VEZF1: variants seen among roughly 807,000 people sequenced by gnomAD.
VEZF1 encodes vascular endothelial zinc finger 1, also known as putative transcription factor DB1.
A neutral mutation model predicts 44.1 loss-of-function variants in VEZF1; 5 were observed. The ratio of observed to expected loss-of-function variants is 0.11; its 90% confidence interval spans 0.06 to 0.24. The LOEUF (loss-of-function observed/expected upper bound fraction) is 0.24, where lower values mean the gene tolerates loss of function less well. VEZF1 is among the 10% of genes least tolerant of loss of function. The probability of loss-of-function intolerance (pLI) is 1.00; values close to 1 mark genes in which losing one functional copy is unlikely to be tolerated. For missense variants in VEZF1, 358 were observed against 641.8 expected (o/e 0.56, Z 4.78); for synonymous variants, 236 against 233.1 (o/e 1.01, Z -0.11).
At chr17:57,987,551 A>T (rs985877368) in intron 1 of VEZF1, among the ~76,000 whole-genome samples, 5 of 152,194 alleles carry the variant, frequency 3.3e-5, no homozygotes, top group South Asian at 4.1e-4. Context: ...AGGGGGTCAG[A>T]AAGTCAACAC....
intron 5 of VEZF1, among the ~76,000 whole-genome samples, chr17:57,977,563 G>A (rs1438215165): frequency 6.6e-6 from 1 of 152,100 alleles, no homozygotes; most frequent in East Asian, 1.9e-4. Flanking sequence ...AAAGAATGTC[G>A]CCAGGGCCCA....
Position 57,979,209 on chromosome 17 carries a change from C to T in VEZF1, c.1081G>A (p.Gly361Arg). 1 of 1,613,908 alleles carries T rather than the reference C, an allele frequency of 6.2e-7. No homozygotes were observed. The highest frequency in any genetic ancestry group is 1.1e-5 in the South Asian group (1 of 91,066). ...QQQQHVTSWPGKQVETLRLWE... is the reference protein window; with the variant it reads ...QQQQHVTSWPRKQVETLRLWE... ...AGTCTCAGTGTTTCTACTTGCTTCCCTGGCCAGCTTGTCACATGTTGTTGT... is the reference window on the plus strand; with the variant it reads ...AGTCTCAGTGTTTCTACTTGCTTCCTTGGCCAGCTTGTCACATGTTGTTGT... Residue 361 changes from glycine to arginine, a missense_variant, in exon 5 of 6, where the codon GGG becomes AGG. Physicochemically the swap from Gly to Arg is moderately radical, Grantham distance 125. Transcript: ENST00000581208.
intron 1 of VEZF1, among the ~76,000 whole-genome samples, chr17:57,986,819 T>C (rs1598051389): frequency 6.6e-6 from 1 of 152,166 alleles, no homozygotes; most frequent in South Asian, 2.1e-4. Context: ...TTTCAAAAGG[T>C]ATCAAGCGCC....
chr17:57,974,029 C>G lies in VEZF1; in HGVS notation c.*444G>C, dbSNP rs2075163946. 1 of 170,322 alleles carries G rather than the reference C, an allele frequency of 5.9e-6. No homozygotes were observed. The highest frequency in any genetic ancestry group is 5.5e-5 in the Admixed American group (1 of 18,258). The allele number at this position is 170,322 out of a possible 1,614,324, so 10.6% of individuals were successfully genotyped here. Reference sequence around the variant, plus strand: ...ATAAAAACAATAAACACAGACAATTCTACACTAGCTCTCAATCTGTGGATT... The same window carrying G: ...ATAAAAACAATAAACACAGACAATTGTACACTAGCTCTCAATCTGTGGATT... On this transcript the variant is annotated 3_prime_UTR_variant, in exon 6 of 6. Coordinates refer to ENST00000581208, the MANE Select transcript of VEZF1 (RefSeq NM_007146.3).
intron 4 of VEZF1, among the ~76,000 whole-genome samples, chr17:57,979,569 C>G (rs1235445166): frequency 7.0e-6 from 1 of 143,282 alleles, no homozygotes; most frequent in Admixed American, 6.9e-5. Context: ...AAAAAAAAAG[C>G]AAGTGTCTTT....
At position 57,979,308 on chromosome 17, in the gene VEZF1, T is replaced by C; in HGVS notation, c.982A>G (p.Met328Val). The change falls in exon 5 of 6, where the codon ATG becomes GTG. Residue 328 changes from methionine to valine, a missense_variant. This residue lies in a region of VEZF1 where 171 missense variants were observed against 272.4 expected (regional missense o/e 0.63). Coordinates refer to ENST00000581208, the MANE Select transcript of VEZF1 (RefSeq NM_007146.3). ...TTTTGGTTACTGGTCTCTTCACTCATGCATGCTATTACAAAGACAAACCAA... is the reference window on the plus strand; with the variant it reads ...TTTTGGTTACTGGTCTCTTCACTCACGCATGCTATTACAAAGACAAACCAA... ...TCKQGISKTCMSEETSNQKQQ... is the reference protein window; with the variant it reads ...TCKQGISKTCVSEETSNQKQQ... 6.2e-7 allele frequency: 1 copy of C among 1,613,920 alleles called. No individual in the cohort carries two copies. Among genetic ancestry groups the C allele is most frequent in the Non-Finnish European group, 8.5e-7 (1 of 1,179,986 alleles).
intron 4 of VEZF1, 72 bp downstream of exon 4, chr17:57,980,531 G>GATA (rs2075239377): frequency 6.9e-7 from 1 of 1,439,530 alleles, no homozygotes; most frequent in African/African-American, 1.4e-5. Flanking sequence ...TAATACCTTT[G>GATA]ATACAATATG....
rs764213827 is a variant in VEZF1, at chr17:57,979,275, G to C, written c.1015C>G (p.Gln339Glu). Reference sequence around the variant, plus strand: ...TGCTGCTGCTGCTGCTGCTGCTGCTGCTGCTGCTTTTGGTTACTGGTCTCT... The same window carrying C: ...TGCTGCTGCTGCTGCTGCTGCTGCTCCTGCTGCTTTTGGTTACTGGTCTCT... ...SEETSNQKQQ[Q>E]QQQQQQQQQQ... The change falls in exon 5 of 6, where the codon CAG becomes GAG. Residue 339 changes from glutamine (Q) to glutamate (E), a missense_variant. Coordinates refer to ENST00000581208, the MANE Select transcript of VEZF1 (RefSeq NM_007146.3). 22 of 1,610,366 alleles carry C rather than the reference G, an allele frequency of 1.4e-5. No individual in the cohort carries two copies. Among genetic ancestry groups the C allele is most frequent in the Non-Finnish European group, 1.8e-5 (21 of 1,176,960 alleles).
At position 57,973,560 on chromosome 17, in the gene VEZF1, C is replaced by T. The variant is rs997227175; in HGVS notation, c.*913G>A. 3.9e-5 allele frequency: 6 copies of T among 152,452 alleles called. No homozygotes were observed. Among genetic ancestry groups the T allele is most frequent in the African/African-American group, 1.5e-4 (6 of 41,368 alleles). The allele number at this position is 152,452 out of a possible 1,614,324, so 9.4% of individuals were successfully genotyped here. ...GGGAGAGAGAGGGGCATATCACATC[C>T]CAGTGCCTCCAGCGTCTTCCAATTT... On this transcript the variant is annotated 3_prime_UTR_variant, in exon 6 of 6. Coordinates refer to ENST00000581208, the MANE Select transcript of VEZF1 (RefSeq NM_007146.3).
Position 57,983,070 on chromosome 17 carries a change from G to A in VEZF1, c.357C>T (p.Ile119=), listed in dbSNP as rs751649386. 199 of 1,614,182 alleles carry A rather than the reference G, an allele frequency of 1.2e-4. No individual in the cohort carries two copies. The highest frequency in any genetic ancestry group is 2.0e-4 in the East Asian group (9 of 44,878). The change falls in exon 2 of 6, where the codon ATC becomes ATT. Residue 119 remains isoleucine, a synonymous_variant. Coordinates refer to ENST00000581208, the MANE Select transcript of VEZF1 (RefSeq NM_007146.3). ...ACGAAGTTCGGCTGCTGTCCCCAGC[G>A]ATGGTAGAGATAAGGGGAACCACCG... ...PTTVVPLIST[I]AGDSSRTSLV...
intron 1 of VEZF1, among the ~76,000 whole-genome samples, chr17:57,986,788 T>C (rs1422352290): frequency 6.6e-6 from 1 of 152,192 alleles, no homozygotes; most frequent in Non-Finnish European, 1.5e-5. Flanking sequence ...TTTTTGAAAA[T>C]TCTGCATCCG....
chr17:57,986,095 A>AAT, intron 1 of VEZF1: 1 of 152,328 alleles, frequency 6.6e-6, no homozygotes. Flanking sequence ...CCCAGGATTA[A>AAT]ATATTTGTTT....
At chr17:57,979,046 T>C (rs2075219417) in intron 5 of VEZF1, 106 bp downstream of exon 5, 1 of 1,408,812 alleles carries the variant, frequency 7.1e-7, no homozygotes, top group Non-Finnish European at 9.6e-7. Flanking sequence ...CATGTTTCCA[T>C]TAAGCTAGAT....
intron 4 of VEZF1, 122 bp from the exon 5 acceptor site, chr17:57,979,435 G>C: frequency 7.0e-7 from 1 of 1,434,368 alleles, no homozygotes. Context: ...CTTAGTAAGT[G>C]CATCTTTTTT....
At position 57,973,228 on chromosome 17, in the gene VEZF1, T is replaced by A. The variant is rs576446924; in HGVS notation, c.*1245A>T. The A allele has an allele frequency of 6.6e-6, 1 of 152,276 alleles. No homozygotes were observed. Among genetic ancestry groups the A allele is most frequent in the African/African-American group, 2.4e-5 (1 of 41,560 alleles). 9.4% of individuals were successfully genotyped at this position (152,276 alleles called of 1,614,324 possible). ...TAAAAAGCACATGTCTCAACGTGCA[T>A]AATCATTGCTGGGTTTCTACAGGGA... On this transcript the variant is annotated 3_prime_UTR_variant, in exon 6 of 6. Coordinates refer to ENST00000581208, the MANE Select transcript of VEZF1 (RefSeq NM_007146.3).
In VEZF1 at chr17:57,972,534, G is replaced by A. The variant is rs2075147048; in HGVS notation, c.*1939C>T. The A allele has an allele frequency of 6.6e-6, 1 of 152,580 alleles. No individual in the cohort carries two copies. Among genetic ancestry groups the A allele is most frequent in the Non-Finnish European group, 1.5e-5 (1 of 68,030 alleles). 9.5% of individuals were successfully genotyped at this position (152,580 alleles called of 1,614,324 possible). On this transcript the variant is annotated 3_prime_UTR_variant, in exon 6 of 6. Transcript: ENST00000581208. ...ATTAAAAACAAACCATTTTTGTACT[G>A]TGGATAAGAACAGTTGTAACAAAGT...
In VEZF1 at chr17:57,980,654, C is replaced by G; in HGVS notation, c.925G>C (p.Gly309Arg). 5 of 1,613,802 alleles carry G rather than the reference C, an allele frequency of 3.1e-6. No homozygotes were observed. Among genetic ancestry groups the G allele is most frequent in the Non-Finnish European group, 4.2e-6 (5 of 1,180,038 alleles). The change falls in exon 4 of 6, where the codon GGG (glycine) becomes CGG (arginine). Residue 309 changes from glycine (G) to arginine (R), a missense_variant. Gly to Arg is a moderately radical substitution (Grantham distance 125). Coordinates refer to ENST00000581208, the MANE Select transcript of VEZF1 (RefSeq NM_007146.3). ...AYITSHLKTH[G>R]QSQSINCNTC... ...TTACAGTTGATACTTTGGCTCTGCCCATGAGTCTTTAAGTGGCTGGTGATG... is the reference window on the plus strand; with the variant it reads ...TTACAGTTGATACTTTGGCTCTGCCGATGAGTCTTTAAGTGGCTGGTGATG...
intron 5 of VEZF1, among the ~76,000 whole-genome samples, chr17:57,976,942 C>T (rs1411268835): frequency 7.2e-5 from 11 of 152,112 alleles, no homozygotes; most frequent in South Asian, 2.1e-4. Flanking sequence ...CCTCCTCCTC[C>T]GTGTTTTCTT....
chr17:57,985,184 C>T, intron 1 of VEZF1: 1 of 1,020,680 alleles, frequency 9.8e-7, no homozygotes. Flanking sequence ...AAAGTTCAGA[C>T]TTATAGCATT....
Sources: allele counts gnomAD v4.1 joint callset (sites outside exome capture counted in the v4.1 genomes callset), GRCh38; gene constraint gnomAD v4.1.1; regional missense constraint gnomAD v4.1.1; transcripts MANE v1.5; gene names NCBI Gene and HGNC (gene_info 2026-07-23, HGNC 2026-07-21).